Variants in ITGA6 observed in about 807,000 individuals in gnomAD.
The protein encoded by ITGA6 is integrin alpha-6.
In ITGA6, 63 loss-of-function variants were observed where a neutral mutation model predicts 133.6. That is an observed-to-expected ratio of 0.47 (90% CI 0.38 to 0.58). The LOEUF is 0.58. ITGA6 is among the 20% of genes least tolerant of loss of function. ITGA6 has a pLI of 0.00. For synonymous variants in ITGA6, 434 were observed against 482.0 expected (o/e 0.90, Z 1.30); for missense variants, 1,068 against 1,309.4 (o/e 0.82, Z 2.85).
At position 172,469,344 on chromosome 2, in the gene ITGA6, A is replaced by C. The variant is rs777367957; in HGVS notation, c.607A>C (p.Ile203Leu). 6.2e-7 allele frequency: 1 copy of C among 1,614,108 alleles called. No homozygotes were observed. Among genetic ancestry groups the C allele is most frequent in the East Asian group, 2.2e-5 (1 of 44,884 alleles). Residue 203 changes from isoleucine (I) to leucine (L), a missense_variant, in exon 4 of 26, where the codon ATT becomes CTT. Physicochemically the swap from Ile to Leu is conservative, Grantham distance 5. This residue lies in a region of ITGA6 where 317 missense variants were observed against 456.9 expected (regional missense o/e 0.69). Transcript: ENST00000684293. ...AATFTKDFHY[I>L]VFGAPGTYNW... ...TACTTTTACTAAAGACTTTCATTACATTGTATTTGGAGCCCCGGGTACTTA... is the reference window on the plus strand; with the variant it reads ...TACTTTTACTAAAGACTTTCATTACCTTGTATTTGGAGCCCCGGGTACTTA...
At chr2:172,443,257 C>T (rs1406070589) in intron 1 of ITGA6, among the ~76,000 whole-genome samples, 1 of 152,104 alleles carries the variant, frequency 6.6e-6, no homozygotes, top group Non-Finnish European at 1.5e-5. Flanking sequence ...AAATAAAGAG[C>T]TTCCTTATTA....
At chr2:172,486,052 T>TG (rs1686651089) in intron 13 of ITGA6, among the ~76,000 whole-genome samples, 1 of 151,674 alleles carries the variant, frequency 6.6e-6, no homozygotes, top group African/African-American at 2.4e-5. Context: ...GGAGCATGCC[T>TG]ATAATCACAG....
rs550222120 is a variant in ITGA6 at position 172,432,620 on chromosome 2, C to T, written c.182+4650C>T. ...GGAATCTGTAAGCTTAGCAAAGAAACGCACAAGACGTTAATTCTTGGTTTT... is the reference window on the plus strand; with the variant it reads ...GGAATCTGTAAGCTTAGCAAAGAAATGCACAAGACGTTAATTCTTGGTTTT... On this transcript the variant is annotated intron_variant, in intron 1 of 25. Transcript: ENST00000684293. 3.9e-5 allele frequency among the ~76,000 whole-genome samples: 6 copies of T among 152,324 alleles called. No homozygotes were observed. The South Asian group carries it at 6.2e-4, about 16-fold the overall frequency.
intron 9 of ITGA6, among the ~76,000 whole-genome samples, chr2:172,477,166 C>A (rs1040858169): frequency 6.6e-6 from 1 of 151,950 alleles, no homozygotes; most frequent in African/African-American, 2.4e-5. Flanking sequence ...TGTTTATATC[C>A]TTGATTATTT....
rs776706394 is a variant in ITGA6 at position 172,497,960 on chromosome 2, T to G, written c.2989-15T>G. ...CGCTGTATGTAGTAATGCTGCTTTC[T>G]TTTCTGCCCTGTAGGTTCGAGTGAC... On this transcript the variant is annotated splice_polypyrimidine_tract_variant and intron_variant, in intron 23 of 25. Transcript: ENST00000684293. The G allele has an allele frequency of 6.2e-7, 1 of 1,613,760 alleles. No individual in the cohort carries two copies. Among genetic ancestry groups the G allele is most frequent in the South Asian group, 1.1e-5 (1 of 91,074 alleles).
intron 9 of ITGA6, among the ~76,000 whole-genome samples, chr2:172,477,830 A>G (rs1056129379): frequency 2.0e-5 from 3 of 152,226 alleles, no homozygotes; most frequent in Non-Finnish European, 2.9e-5. Flanking sequence ...AGAGGACAGA[A>G]TGTAGCACCT....
intron 20 of ITGA6, among the ~76,000 whole-genome samples, chr2:172,490,572 AT>A (rs1003975542): frequency 2.0e-5 from 3 of 152,188 alleles, no homozygotes; most frequent in African/African-American, 7.2e-5. Flanking sequence ...CTTAGTTTTC[AT>A]TGCTCTGCTC....
At chr2:172,486,797 C>T (rs1241335788) in intron 13 of ITGA6, among the ~76,000 whole-genome samples, 1 of 152,162 alleles carries the variant, frequency 6.6e-6, no homozygotes, top group Admixed American at 6.5e-5. Flanking sequence ...TCACACTCTT[C>T]TATACCACAC....
chr2:172,498,604 A>T lies in ITGA6; in HGVS notation c.3114+504A>T, dbSNP rs150972083. Among the ~76,000 whole-genome samples the T allele has an allele frequency of 4.6e-5, 7 of 152,346 alleles. No homozygotes were observed. The East Asian group carries it at 1.3e-3, about 29-fold the overall frequency. On this transcript the variant is annotated intron_variant, in intron 24 of 25. Coordinates refer to ENST00000684293, the MANE Select transcript of ITGA6 (RefSeq NM_000210.4). The stretch of plus-strand genomic sequence containing the variant: ...GGGGTCACTATAGCGTGTATCAAAC[A>T]TAAGGAAGGTCTAGGTTCAATATGA...
At chr2:172,473,480 A>G (rs1338971412) in intron 5 of ITGA6, among the ~76,000 whole-genome samples, 1 of 152,234 alleles carries the variant, frequency 6.6e-6, no homozygotes, top group African/African-American at 2.4e-5. Context: ...AAACAATGAA[A>G]TGCTATCTAT....
In ITGA6 at chr2:172,472,923, C is replaced by T. The variant is rs767412102; in HGVS notation, c.776-1132C>T. ...ACCTCTGCGACGACAAATAAATTGT[C>T]TTGGTTGTGGTCATTAAATTTTTTT... On this transcript the variant is annotated intron_variant, in intron 5 of 25. Coordinates refer to ENST00000684293, the MANE Select transcript of ITGA6 (RefSeq NM_000210.4). 5.9e-6 allele frequency: 8 copies of T among 1,358,468 alleles called. No individual in the cohort carries two copies. The Admixed American group carries it at 1.3e-4, about 23-fold the overall frequency. 84.2% of individuals were successfully genotyped at this position (1,358,468 alleles called of 1,614,324 possible). A position where few individuals can be genotyped will look rare whatever the true frequency, so the allele number is the denominator to read the frequency against.
chr2:172,428,752 A>ACAAGGTTTGTAAGGGACAACCCCCC (rs1683986444), intron 1 of ITGA6: 1 of 152,208 alleles, frequency 6.6e-6, no homozygotes, highest in Non-Finnish European at 1.5e-5. Context: ...GACTTTGCAA[A>ACAAGGTTTGTAAGGGACAACCCCCC]CAAGGTTTGT....
chr2:172,442,142 G>C (rs567566868), intron 1 of ITGA6, among the ~76,000 whole-genome samples: 1 of 152,172 alleles, frequency 6.6e-6, no homozygotes, highest in South Asian at 2.1e-4. Context: ...CAACCCCTGC[G>C]TCATGTTTCT....
chr2:172,465,841 CTG>C, intron 2 of ITGA6, 178 bp downstream of exon 2: 1 of 903,696 alleles, frequency 1.1e-6, no homozygotes, highest in South Asian at 1.5e-5. Flanking sequence ...CTGAATCATA[CTG>C]GGATGCCGCG....
intron 1 of ITGA6, among the ~76,000 whole-genome samples, chr2:172,454,231 G>A (rs192497918): frequency 2.0e-4 from 31 of 152,000 alleles, no homozygotes; most frequent in Admixed American, 1.6e-3. Flanking sequence ...CTACAGGTGC[G>A]TGCCACCGTG....
chr2:172,476,315 CTT>C, intron 8 of ITGA6, 78 bp from the exon 9 acceptor site: 1 of 827,376 alleles, frequency 1.2e-6, no homozygotes, highest in Non-Finnish European at 2.2e-6. Flanking sequence ...TCAAAAGAAA[CTT>C]GTGTGTCTTT....
chr2:172,497,401 T>C (rs746021848), intron 23 of ITGA6, among the ~76,000 whole-genome samples: 50 of 150,380 alleles, frequency 3.3e-4, no homozygotes, highest in Non-Finnish European at 5.3e-4. Flanking sequence ...GGGAGGCAGC[T>C]GAGGTGGGAG....
chr2:172,467,337 A>AT, intron 2 of ITGA6, 144 bp from the exon 3 acceptor site: 1 of 677,248 alleles, frequency 1.5e-6, no homozygotes, highest in East Asian at 2.9e-5. Flanking sequence ...ATGACAAGTA[A>AT]TTTTTCTGGA....
intron 9 of ITGA6, 112 bp from the exon 10 acceptor site, chr2:172,479,529 T>C (rs1490549775): frequency 1.6e-5 from 14 of 855,188 alleles, no homozygotes; most frequent in Non-Finnish European, 2.6e-5. Context: ...GTATTTTTTT[T>C]CCTGTGTTTT....
Sources: gnomAD v4.1 joint callset for allele counts (sites outside exome capture counted in the v4.1 genomes callset) on GRCh38, gnomAD v4.1.1 for gene constraint, gnomAD v4.1.1 regional missense constraint, MANE v1.5 for transcripts, NCBI Gene and HGNC (gene_info 2026-07-23, HGNC 2026-07-21) for gene names.